Variants in HACD3 observed in about 807,000 individuals in gnomAD.
HACD3 encodes the protein 3-hydroxyacyl-CoA dehydratase 3.
In HACD3, 30 loss-of-function variants were observed where a neutral mutation model predicts 55.2. The ratio of observed to expected loss-of-function variants is 0.54; its 90% CI spans 0.41 to 0.74. The LOEUF (loss-of-function observed/expected upper bound fraction) is 0.74. Ranked by LOEUF, HACD3 falls within the 30% of genes least tolerant of loss-of-function variation. HACD3 has a pLI of 0.00. For synonymous variants in HACD3, 141 were observed against 151.7 expected (o/e 0.93, Z 0.52); for missense variants, 363 against 440.1 (o/e 0.82, Z 1.57).
chr15:65,546,281 G>T (rs1254700309), intron 1 of HACD3, among the ~76,000 whole-genome samples: 1 of 152,132 alleles, frequency 6.6e-6, no homozygotes, highest in Non-Finnish European at 1.5e-5. Flanking sequence ...AAAAACAATT[G>T]AACATCTTTG....
chr15:65,537,035 G>A (rs1224625375), intron 1 of HACD3, among the ~76,000 whole-genome samples: 1 of 152,190 alleles, frequency 6.6e-6, no homozygotes, highest in Admixed American at 6.5e-5. Flanking sequence ...GAGTGGTCTG[G>A]ATAGAATATA....
intron 4 of HACD3, 69 bp from the exon 5 acceptor site, chr15:65,558,611 C>A: frequency 7.0e-7 from 1 of 1,433,648 alleles, no homozygotes; most frequent in Non-Finnish European, 9.6e-7. Flanking sequence ...ACTCAGCCAG[C>A]ATATGGACTT....
chr15:65,544,168 C>T (rs887585618), intron 1 of HACD3, among the ~76,000 whole-genome samples: 1 of 151,932 alleles, frequency 6.6e-6, no homozygotes, highest in Non-Finnish European at 1.5e-5. Flanking sequence ...CAGAGCGGGA[C>T]TCCATCTCAA....
At chr15:65,558,544 T>C in intron 4 of HACD3, 136 bp from the exon 5 acceptor site, 2 of 762,880 alleles carry the variant, frequency 2.6e-6, no homozygotes, top group Non-Finnish European at 4.4e-6. Flanking sequence ...ACCTAGAATA[T>C]TCTCCCAATG....
At chr15:65,540,405 A>G (rs1356640643) in intron 1 of HACD3, among the ~76,000 whole-genome samples, 2 of 152,352 alleles carry the variant, frequency 1.3e-5, no homozygotes, top group East Asian at 3.9e-4. Context: ...AAAGAGGGTG[A>G]TGAAATAGAG....
intron 6 of HACD3, 120 bp downstream of exon 6, chr15:65,563,004 C>T (rs2141220463): frequency 7.0e-7 from 1 of 1,434,656 alleles, no homozygotes; most frequent in East Asian, 2.5e-5. Flanking sequence ...GCAGCACCCT[C>T]TACTTTTCGT....
chr15:65,555,002 A>G (rs747185772), intron 3 of HACD3, 42 bp downstream of exon 3: 3 of 1,446,238 alleles, frequency 2.1e-6, no homozygotes, highest in Non-Finnish European at 2.9e-6. Flanking sequence ...ATTTTAGGAA[A>G]TGAATACCAG....
chr15:65,558,815 C>T lies in HACD3; in HGVS notation c.421+84C>T, dbSNP rs1195421138. The T allele has an allele frequency of 2.7e-6, 4 of 1,463,794 alleles. No individual in the cohort carries two copies. The African/African-American group carries it at 5.6e-5, about 21-fold the overall frequency. The allele number at this position is 1,463,794 out of a possible 1,614,324, so 90.7% of individuals were successfully genotyped here. ...GGATAATTGTGATGTGGCAGGAGAG[C>T]TAATGATTTCATCCCGGTGAGCTGT... On this transcript the variant is annotated intron_variant, in intron 5 of 10. Coordinates refer to ENST00000261875, the MANE Select transcript of HACD3 (RefSeq NM_016395.4).
chr15:65,549,981 A>G (rs1005583624), intron 1 of HACD3, among the ~76,000 whole-genome samples: 1 of 152,262 alleles, frequency 6.6e-6, no homozygotes, highest in African/African-American at 2.4e-5. Context: ...TGTAGTAGCT[A>G]TGCTGATATC....
intron 9 of HACD3, 130 bp downstream of exon 9, chr15:65,571,784 A>G: frequency 5.5e-6 from 4 of 722,206 alleles, no homozygotes; most frequent in Non-Finnish European, 9.1e-6. Flanking sequence ...ATTTCTTTCC[A>G]TGGGCTTCCT....
chr15:65,549,543 T>G (rs1254768490), intron 1 of HACD3, among the ~76,000 whole-genome samples: 12 of 134,734 alleles, frequency 8.9e-5, no homozygotes, highest in African/African-American at 3.2e-4. Flanking sequence ...GAGGTTGCAG[T>G]GAATTGAGAT....
At chr15:65,555,771 TG>T (rs2072182834) in intron 3 of HACD3, among the ~76,000 whole-genome samples, 1 of 152,218 alleles carries the variant, frequency 6.6e-6, no homozygotes. Context: ...AATCTGTAAC[TG>T]ATCCAATACA....
At chr15:65,535,356 G>A (rs1356104076) in intron 1 of HACD3, among the ~76,000 whole-genome samples, 3 of 152,130 alleles carry the variant, frequency 2.0e-5, no homozygotes, top group Admixed American at 6.5e-5. Context: ...GGCAAAAGAC[G>A]TATTACCTAA....
chr15:65,547,409 C>T (rs2072088647), intron 1 of HACD3, among the ~76,000 whole-genome samples: 1 of 152,218 alleles, frequency 6.6e-6, no homozygotes, highest in African/African-American at 2.4e-5. Flanking sequence ...GCCACCGCGC[C>T]CGGCCAAGTA....
intron 1 of HACD3, among the ~76,000 whole-genome samples, chr15:65,533,925 G>A (rs573472870): frequency 3.1e-4 from 47 of 151,666 alleles, no homozygotes; most frequent in Non-Finnish European, 5.9e-4. Flanking sequence ...GGTGGCGGGC[G>A]CCTATAGTCC....
At chr15:65,546,321 G>A (rs572080542) in intron 1 of HACD3, among the ~76,000 whole-genome samples, 14 of 152,256 alleles carry the variant, frequency 9.2e-5, no homozygotes, top group Admixed American at 8.5e-4. Flanking sequence ...TTTTTTATTA[G>A]ATAATATGGA....
rs890614249 is a variant in HACD3, at chr15:65,575,240, T to C, written c.1013-1063T>C. ...TCTTGCTCTGTCACCCAGGCTGGAG[T>C]GCAGTGGCACGATCTTGGCTCACTG... On this transcript the variant is annotated intron_variant, in intron 10 of 10. Transcript: ENST00000261875. Among the ~76,000 whole-genome samples the C allele has an allele frequency of 2.0e-5, 3 of 149,788 alleles. No individual in the cohort carries two copies. The Admixed American group carries it at 2.0e-4, about 10-fold the overall frequency.
intron 1 of HACD3, among the ~76,000 whole-genome samples, chr15:65,536,091 A>T (rs1398150410): frequency 6.6e-6 from 1 of 152,130 alleles, no homozygotes; most frequent in Non-Finnish European, 1.5e-5. Flanking sequence ...ATCTTGGCCC[A>T]CCGCAACCTC....
rs2141202634 is a variant in HACD3 at position 65,535,933 on chromosome 15, T to C, written c.87+5215T>C. ...TTGAACTCCTGGACTTAAGCAATCC[T>C]CTTGCCTTGGCCTCCCAGATCCCTG... On this transcript the variant is annotated intron_variant, in intron 1 of 10. Transcript: ENST00000261875. The C allele has an allele frequency of 6.9e-6, 3 of 435,342 alleles. No homozygotes were observed. The East Asian group carries it at 1.0e-4, about 15-fold the overall frequency. The allele number at this position is 435,342 out of a possible 1,614,324, so 27.0% of individuals were successfully genotyped here.
Sources: allele counts gnomAD v4.1 joint callset (sites outside exome capture counted in the v4.1 genomes callset), GRCh38; gene constraint gnomAD v4.1.1; transcripts MANE v1.5; gene names NCBI Gene and HGNC (gene_info 2026-07-23, HGNC 2026-07-21).